Variants in CHD9 observed in about 807,000 individuals in gnomAD.
CHD9 encodes the protein chromodomain helicase DNA binding protein 9.
Under a neutral mutation model 316.1 loss-of-function variants are expected in CHD9, and 77 were observed. That is an observed-to-expected ratio of 0.24 (90% CI 0.20 to 0.29). The LOEUF (loss-of-function observed/expected upper bound fraction) is 0.29, where lower values mean the gene tolerates loss of function less well. Ranked by LOEUF, CHD9 falls within the 10% of genes least tolerant of loss-of-function variation. The probability of loss-of-function intolerance (pLI) is 1.00; values close to 1 mark genes in which losing one functional copy is unlikely to be tolerated. For synonymous variants in CHD9, 1,129 were observed against 1,158.3 expected (o/e 0.97, Z 0.51); for missense variants, 2,763 against 3,438.1 (o/e 0.80, Z 4.91).
chr16:53,146,419 G>GTGTGTGTGTGTGTATATA (rs1555492145), intron 1 of CHD9, among the ~76,000 whole-genome samples: 4 of 76,694 alleles, frequency 5.2e-5, no homozygotes, highest in African/African-American at 2.4e-4. Context: ...GTGTGTGTAT[G>GTGTGTGTGTGTGTATATA]TATATATATA....
At chr16:53,287,444 G>A (rs548454155) in intron 26 of CHD9, among the ~76,000 whole-genome samples, 2 of 152,308 alleles carry the variant, frequency 1.3e-5, no homozygotes, top group East Asian at 3.9e-4. Context: ...AAGCGAACTC[G>A]CGGCTGGATG....
At chr16:53,231,313 T>C in intron 8 of CHD9, 106 bp from the exon 9 acceptor site, 1 of 551,798 alleles carries the variant, frequency 1.8e-6, no homozygotes, top group Non-Finnish European at 3.2e-6. Flanking sequence ...GACATTTAAC[T>C]GAAATCAAAC....
chr16:53,081,255 CAG>C (rs1428726812), intron 1 of CHD9, among the ~76,000 whole-genome samples: 1 of 152,166 alleles, frequency 6.6e-6, no homozygotes, highest in Non-Finnish European at 1.5e-5. Flanking sequence ...TTGGTGGATA[CAG>C]AGTTTCTAGA....
At chr16:53,157,793 G>A (rs533216123) in intron 2 of CHD9, among the ~76,000 whole-genome samples, 144 of 152,206 alleles carry the variant, frequency 9.5e-4, no homozygotes, top group African/African-American at 3.0e-3. Flanking sequence ...CTTTTGTGAT[G>A]TTTATGAATA....
intron 1 of CHD9, among the ~76,000 whole-genome samples, chr16:53,066,637 C>T (rs2152506708): frequency 6.6e-6 from 1 of 152,080 alleles, no homozygotes; most frequent in African/African-American, 2.4e-5. Context: ...CATATTTAAC[C>T]TCAGGGAGTC....
intron 3 of CHD9, among the ~76,000 whole-genome samples, chr16:53,211,087 G>T (rs1181513576): frequency 1.3e-5 from 2 of 152,010 alleles, no homozygotes; most frequent in Non-Finnish European, 2.9e-5. Context: ...AGGGTTTCCA[G>T]TTTTAACTTG....
chr16:53,188,855 G>T (rs1263983974), intron 2 of CHD9, among the ~76,000 whole-genome samples: 1 of 151,856 alleles, frequency 6.6e-6, no homozygotes, highest in Non-Finnish European at 1.5e-5. Context: ...AAGGTGCTGG[G>T]ATTACAGGCG....
At chr16:53,207,720 G>C (rs992244115) in intron 2 of CHD9, among the ~76,000 whole-genome samples, 9 of 151,430 alleles carry the variant, frequency 5.9e-5, no homozygotes, top group African/African-American at 2.2e-4. Flanking sequence ...AATTGCTTTA[G>C]ATTTTGTTTT....
intron 24 of CHD9, among the ~76,000 whole-genome samples, chr16:53,278,622 G>A (rs1318595018): frequency 1.3e-5 from 2 of 152,072 alleles, no homozygotes; most frequent in Non-Finnish European, 2.9e-5. Context: ...ATCTGACAAA[G>A]GGCTAATATC....
intron 2 of CHD9, among the ~76,000 whole-genome samples, chr16:53,159,424 C>A (rs1597212053): frequency 6.6e-6 from 1 of 151,918 alleles, no homozygotes; most frequent in East Asian, 1.9e-4. Flanking sequence ...TTTAAAAATT[C>A]TCTTGTTAAA....
chr16:53,061,028 G>A (rs1342914645), intron 1 of CHD9, among the ~76,000 whole-genome samples: 1 of 148,002 alleles, frequency 6.8e-6, no homozygotes, highest in East Asian at 2.0e-4. Flanking sequence ...CCGGGTTCAA[G>A]CGATTCTCCT....
At chr16:53,262,313 G>T (rs1400923608) in intron 19 of CHD9, among the ~76,000 whole-genome samples, 1 of 152,106 alleles carries the variant, frequency 6.6e-6, no homozygotes, top group Non-Finnish European at 1.5e-5. Context: ...TTAAAGAGTT[G>T]AAGTGTTATC....
At chr16:53,242,377 G>A (rs953862706) in intron 12 of CHD9, among the ~76,000 whole-genome samples, 12 of 152,248 alleles carry the variant, frequency 7.9e-5, no homozygotes, top group African/African-American at 2.6e-4. Context: ...TATATCTCCA[G>A]CAACTAGAAC....
intron 12 of CHD9, 48 bp from the exon 13 acceptor site, chr16:53,242,792 T>C: frequency 6.6e-7 from 1 of 1,513,588 alleles, no homozygotes; most frequent in Non-Finnish European, 9.1e-7. Flanking sequence ...GAATAAAAAA[T>C]ATGCAATTAA....
At chr16:53,299,133 A>G (rs896873124) in intron 30 of CHD9, 4 of 178,306 alleles carry the variant, frequency 2.2e-5, no homozygotes, top group Middle Eastern at 1.1e-3. Context: ...TGACTATTAA[A>G]CTTTCAAGCA....
intron 3 of CHD9, among the ~76,000 whole-genome samples, chr16:53,217,960 T>TTTCTTTC (rs2046919903): frequency 2.2e-5 from 3 of 133,968 alleles, no homozygotes; most frequent in South Asian, 4.7e-4. Flanking sequence ...TTCTTTCTTT[T>TTTCTTTC]TTTTTTTAAT....
intron 1 of CHD9, among the ~76,000 whole-genome samples, chr16:53,097,750 G>A (rs2036504017): frequency 6.6e-6 from 1 of 152,212 alleles, no homozygotes; most frequent in South Asian, 2.1e-4. Context: ...GGATGAATAA[G>A]TGAATGAATC....
At chr16:53,173,118 CTG>C (rs1439258342) in intron 2 of CHD9, among the ~76,000 whole-genome samples, 29 of 152,176 alleles carry the variant, frequency 1.9e-4, no homozygotes, top group African/African-American at 7.0e-4. Flanking sequence ...TGTAGAAGTT[CTG>C]TGTTTTTCTT....
Position 53,297,162 on chromosome 16 carries a change from T to A in CHD9, c.5713+4T>A. The A allele has an allele frequency of 6.3e-7, 1 of 1,594,630 alleles. No individual in the cohort carries two copies. ...TGTCGTCTTCCTTCCAAAGAAGGTA[T>A]GTATAAAATTTCTTTTTCCTGGTTT... On this transcript the variant is annotated splice_donor_region_variant and intron_variant, in intron 30 of 38. Transcript: ENST00000447540.
Sources: gnomAD v4.1 joint callset for allele counts (sites outside exome capture counted in the v4.1 genomes callset) on GRCh38, gnomAD v4.1.1 for gene constraint, MANE v1.5 for transcripts, NCBI Gene and HGNC (gene_info 2026-07-23, HGNC 2026-07-21) for gene names.